BRWD3: variants seen among roughly 807,000 people sequenced by gnomAD.
BRWD3 encodes the protein bromodomain and WD repeat domain containing 3.
Under a neutral mutation model 149.7 loss-of-function variants are expected in BRWD3, and 10 were observed. That is an observed-to-expected ratio of 0.07 (90% CI 0.04 to 0.11). BRWD3 has a LOEUF of 0.11. Among genes scored for constraint, BRWD3 ranks in the 10% least tolerant of loss-of-function variants. The pLI, the probability that BRWD3 is intolerant of heterozygous loss-of-function variation, is 1.00. For missense variants in BRWD3, 940 were observed against 1,373.2 expected (o/e 0.68, Z 4.99); for synonymous variants, 504 against 456.7 (o/e 1.10, Z -1.32).
chrX:80,713,824 T>G (rs1366999478), intron 20 of BRWD3, among the ~76,000 whole-genome samples: 1 of 112,648 alleles, frequency 8.9e-6, no homozygotes, highest in Non-Finnish European at 1.9e-5. Flanking sequence ...TCTGCTCTTT[T>G]GTTATTCTCT....
intron 6 of BRWD3, among the ~76,000 whole-genome samples, chrX:80,774,190 A>G (rs1182858939): frequency 9.0e-6 from 1 of 111,578 alleles, no homozygotes. Flanking sequence ...TTTCGCATAT[A>G]TATTTTTGTT....
intron 6 of BRWD3, among the ~76,000 whole-genome samples, chrX:80,754,207 T>C (rs934951663): frequency 8.9e-6 from 1 of 112,042 alleles, no homozygotes; most frequent in Non-Finnish European, 1.9e-5. Flanking sequence ...GTTCTGTAGT[T>C]TTCTATGTAG....
At chrX:80,756,366 G>A (rs140416572) in intron 6 of BRWD3, among the ~76,000 whole-genome samples, 2,286 of 108,410 alleles carry the variant, frequency 0.021, 46 homozygotes, top group African/African-American at 0.047. Flanking sequence ...GCTGGGCCTG[G>A]TGGTGCATGC....
intron 6 of BRWD3, among the ~76,000 whole-genome samples, chrX:80,773,167 G>C (rs1441960345): frequency 1.8e-5 from 2 of 111,793 alleles, no homozygotes; most frequent in Admixed American, 9.5e-5. Flanking sequence ...GACTGTGTTA[G>C]TGGATACGCA....
chrX:80,749,269 T>C (rs1293060493), intron 6 of BRWD3, among the ~76,000 whole-genome samples: 1 of 111,438 alleles, frequency 9.0e-6, no homozygotes, highest in Non-Finnish European at 1.9e-5. Context: ...GAAAGTGAGG[T>C]ATTGATGTCT....
chrX:80,695,730 A>T lies in BRWD3; in HGVS notation c.3151+178T>A, dbSNP rs7049509. The stretch of plus-strand genomic sequence containing the variant: ...ATTTGCAGAAGGTTTAGAGATTATA[A>T]GCCACACACAATGTGCATAAGAAAT... On this transcript the variant is annotated intron_variant, in intron 27 of 40. Coordinates refer to ENST00000373275, the MANE Select transcript of BRWD3 (RefSeq NM_153252.5). Among the ~76,000 whole-genome samples, 29,935 of 111,119 alleles carry T rather than the reference A, an allele frequency of 0.27. 2,911 individuals carry two copies. The highest frequency in any genetic ancestry group is 0.62 in the South Asian group (1,615 of 2,599).
chrX:80,730,045 T>C (rs932619441), intron 12 of BRWD3, 25 bp from the exon 13 acceptor site: 3 of 1,059,534 alleles, frequency 2.8e-6, no homozygotes, highest in South Asian at 1.9e-5. Context: ...AATAACTTTA[T>C]TAATTTTCTC....
At chrX:80,731,844 G>A (rs1305921096) in intron 12 of BRWD3, among the ~76,000 whole-genome samples, 7 of 90,923 alleles carry the variant, frequency 7.7e-5, no homozygotes, top group African/African-American at 8.6e-5. Flanking sequence ...GCAGTGAGCC[G>A]AGATCACACC....
intron 1 of BRWD3, 25 bp downstream of exon 1, chrX:80,809,416 C>T (rs771085989): frequency 5.2e-6 from 6 of 1,145,018 alleles, no homozygotes; most frequent in East Asian, 3.2e-5. Flanking sequence ...TTAGCACCCC[C>T]CCACCCCCCG....
chrX:80,722,907 C>T, intron 16 of BRWD3, 120 bp from the exon 17 acceptor site: 1 of 595,340 alleles, frequency 1.7e-6, no homozygotes, highest in Non-Finnish European at 2.8e-6. Context: ...CTCTTCTAGT[C>T]CTTTGTTGCC....
In BRWD3 at chrX:80,809,366, C is replaced by T. The variant is rs903832599; in HGVS notation, c.32-62G>A. The T allele has an allele frequency of 1.7e-5, 19 of 1,147,414 alleles. 1 individual carries two copies. The African/African-American group carries it at 2.2e-4, about 13-fold the overall frequency. The allele number at this position is 1,147,414 out of a possible 1,213,427, so 94.6% of individuals were successfully genotyped here. A position where few individuals can be genotyped will look rare whatever the true frequency, so the allele number is the denominator to read the frequency against. On this transcript the variant is annotated intron_variant, in intron 1 of 40. Coordinates refer to ENST00000373275, the MANE Select transcript of BRWD3 (RefSeq NM_153252.5). Reference sequence around the variant, plus strand: ...TAGAGAAGAGAAATAGAAGCTTTTTCAAAAGAAACTGACAGCCTTCGCGCT... The same window carrying T: ...TAGAGAAGAGAAATAGAAGCTTTTTTAAAAGAAACTGACAGCCTTCGCGCT...
At chrX:80,801,371 C>A (rs973263660) in intron 4 of BRWD3, among the ~76,000 whole-genome samples, 9 of 106,156 alleles carry the variant, frequency 8.5e-5, no homozygotes, top group Admixed American at 4.1e-4. Flanking sequence ...CAGGCGCCTG[C>A]CACCGCGCCT....
chrX:80,699,097 C>G (rs2147705846), intron 25 of BRWD3, among the ~76,000 whole-genome samples: 1 of 109,727 alleles, frequency 9.1e-6, no homozygotes, highest in South Asian at 4.0e-4. Flanking sequence ...TACCTGCGAT[C>G]CCAGCTACTC....
intron 12 of BRWD3, chrX:80,733,170 G>T: frequency 4.4e-6 from 1 of 226,461 alleles, no homozygotes; most frequent in Non-Finnish European, 7.8e-6. Context: ...TGGCAGAGAT[G>T]GACAGGTCAA....
chrX:80,758,199 C>CA (rs1348459502), intron 6 of BRWD3, among the ~76,000 whole-genome samples: 5 of 109,439 alleles, frequency 4.6e-5, no homozygotes, highest in East Asian at 2.8e-4. Flanking sequence ...AACTCCATCT[C>CA]AAAAAAAATA....
rs139393572 is a variant in BRWD3 at position 80,759,299 on chromosome X, T to C, written c.431-13570A>G. Among the ~76,000 whole-genome samples, 77 of 112,339 alleles carry C rather than the reference T, an allele frequency of 6.9e-4. No individual in the cohort carries two copies. In the East Asian group the frequency reaches 0.02, roughly 30 times the overall value. On this transcript the variant is annotated intron_variant, in intron 6 of 40. Transcript: ENST00000373275. The stretch of plus-strand genomic sequence containing the variant: ...TGGGGTTAAAGCTGAGTTCACCATC[T>C]ATAGTTTCTAGAATCTATTCTTTTT...
chrX:80,731,818 C>A (rs1000357339), intron 12 of BRWD3, among the ~76,000 whole-genome samples: 2 of 103,795 alleles, frequency 1.9e-5, no homozygotes, highest in Non-Finnish European at 3.9e-5. Context: ...TGGCGTGAAC[C>A]CGGGAGGCGG....
chrX:80,738,342 A>G (rs1298271190), intron 8 of BRWD3, among the ~76,000 whole-genome samples: 3 of 112,107 alleles, frequency 2.7e-5, no homozygotes, highest in African/African-American at 9.7e-5. Flanking sequence ...TGGACTGTTT[A>G]ATACATACCT....
intron 20 of BRWD3, among the ~76,000 whole-genome samples, chrX:80,710,863 T>C (rs1332130980): frequency 9.0e-6 from 1 of 111,718 alleles, no homozygotes; most frequent in Non-Finnish European, 1.9e-5. Context: ...TAAAACCATA[T>C]AATGGGGTAC....
Sources: allele counts gnomAD v4.1 joint callset (sites outside exome capture counted in the v4.1 genomes callset), GRCh38; gene constraint gnomAD v4.1.1; transcripts MANE v1.5; gene names NCBI Gene and HGNC (gene_info 2026-07-23, HGNC 2026-07-21).